CNIH3: variants seen among roughly 807,000 people sequenced by gnomAD.
The protein encoded by CNIH3 is protein cornichon homolog 3.
A neutral mutation model predicts 24.1 loss-of-function variants in CNIH3; 14 were observed. The ratio of observed to expected loss-of-function variants is 0.58; its 90% confidence interval spans 0.38 to 0.91. The LOEUF is 0.91. CNIH3 is among the 40% of genes least tolerant of loss of function. The pLI is 0.00. For missense variants in CNIH3, 178 were observed against 196.8 expected (o/e 0.90, Z 0.57); for synonymous variants, 68 against 73.8 (o/e 0.92, Z 0.40).
At position 224,701,080 on chromosome 1, in the gene CNIH3, C is replaced by T. The variant is rs1687459918; in HGVS notation, c.198+16237C>T. Among the ~76,000 whole-genome samples the T allele has an allele frequency of 2.6e-5, 4 of 152,070 alleles. No homozygotes were observed. The South Asian group carries it at 8.3e-4, about 32-fold the overall frequency. On this transcript the variant is annotated intron_variant, in intron 3 of 5. Transcript: ENST00000272133. The stretch of plus-strand genomic sequence containing the variant: ...GGGGCTGAAGGAAGTGATGAAGGGC[C>T]CTGACCACCCATGGTGCTATGCTGG...
At chr1:224,657,167 T>C (rs997332843) in intron 1 of CNIH3, among the ~76,000 whole-genome samples, 2 of 152,126 alleles carry the variant, frequency 1.3e-5, no homozygotes, top group African/African-American at 4.8e-5. Context: ...ATCCTGTCCT[T>C]CAGTAGGATA....
chr1:224,707,183 C>G (rs939831842), intron 3 of CNIH3, among the ~76,000 whole-genome samples: 1 of 151,994 alleles, frequency 6.6e-6, no homozygotes, highest in Non-Finnish European at 1.5e-5. Context: ...AGGCTGATCT[C>G]GAACTCCTGA....
intron 3 of CNIH3, chr1:224,719,165 G>A (rs1688585668): frequency 6.6e-6 from 1 of 152,260 alleles, no homozygotes; most frequent in African/African-American, 2.4e-5. Flanking sequence ...CGGCCCCTGT[G>A]CTGATGGAAC....
intron 2 of CNIH3, among the ~76,000 whole-genome samples, chr1:224,681,598 G>A (rs1686408407): frequency 6.6e-6 from 1 of 152,178 alleles, no homozygotes; most frequent in East Asian, 1.9e-4. Flanking sequence ...CCCAGCATGC[G>A]TGGTGCCTGG....
intron 1 of CNIH3, among the ~76,000 whole-genome samples, chr1:224,502,596 C>T (rs1461195926): frequency 1.3e-5 from 2 of 152,186 alleles, no homozygotes; most frequent in East Asian, 1.9e-4. Context: ...ATTGCCATTC[C>T]ACCTCTAGAG....
chr1:224,712,526 C>CAATG (rs960644450), intron 3 of CNIH3, among the ~76,000 whole-genome samples: 25 of 152,040 alleles, frequency 1.6e-4, no homozygotes, highest in African/African-American at 4.6e-4. Context: ...AGTATTTATT[C>CAATG]AATGAATGAA....
chr1:224,738,056 A>G (rs932867252), intron 5 of CNIH3, among the ~76,000 whole-genome samples: 8 of 152,208 alleles, frequency 5.3e-5, no homozygotes, highest in African/African-American at 1.7e-4. Context: ...TATGTTATTT[A>G]TGATTTACTT....
At chr1:224,463,143 G>A (rs549254801) in intron 1 of CNIH3, among the ~76,000 whole-genome samples, 7 of 152,082 alleles carry the variant, frequency 4.6e-5, no homozygotes, top group East Asian at 1.9e-4. Flanking sequence ...TGATCCACCC[G>A]CCTCGGCCTC....
chr1:224,720,024 G>C (rs963998244), intron 3 of CNIH3, among the ~76,000 whole-genome samples: 1 of 152,148 alleles, frequency 6.6e-6, no homozygotes, highest in African/African-American at 2.4e-5. Context: ...CTTGCAGTTA[G>C]GGCTCTGGGT....
intron 1 of CNIH3, among the ~76,000 whole-genome samples, chr1:224,672,061 C>G (rs560381157): frequency 2.2e-4 from 33 of 152,304 alleles, no homozygotes; most frequent in African/African-American, 7.9e-4. Context: ...TCCAGTGGAG[C>G]TCTTTGTGCT....
intron 4 of CNIH3, among the ~76,000 whole-genome samples, chr1:224,732,237 C>T (rs754769603): frequency 2.0e-5 from 3 of 152,052 alleles, no homozygotes; most frequent in Non-Finnish European, 4.4e-5. Context: ...ACTGGATAAG[C>T]CTTGGCCCAT....
chr1:224,490,011 A>C (rs1677181940), intron 1 of CNIH3, among the ~76,000 whole-genome samples: 1 of 152,226 alleles, frequency 6.6e-6, no homozygotes. Flanking sequence ...TCATAGCAAT[A>C]GGTATGTAGG....
chr1:224,665,921 G>C (rs1228044170), intron 1 of CNIH3, among the ~76,000 whole-genome samples: 1 of 152,056 alleles, frequency 6.6e-6, no homozygotes, highest in African/African-American at 2.4e-5. Flanking sequence ...CAATCCCCAA[G>C]TCACATTTAA....
intron 3 of CNIH3, among the ~76,000 whole-genome samples, chr1:224,601,264 C>T (rs1298918857): frequency 6.6e-6 from 1 of 152,136 alleles, no homozygotes; most frequent in Admixed American, 6.6e-5. Flanking sequence ...CAGTGGCCTG[C>T]CAGCACTTGG....
intron 1 of CNIH3, among the ~76,000 whole-genome samples, chr1:224,652,115 G>A (rs1289858988): frequency 6.6e-6 from 1 of 152,060 alleles, no homozygotes; most frequent in African/African-American, 2.4e-5. Context: ...TGCAAAGCAG[G>A]AATATTGGCC....
intron 3 of CNIH3, among the ~76,000 whole-genome samples, chr1:224,685,497 T>C (rs912347551): frequency 2.0e-5 from 3 of 152,134 alleles, no homozygotes; most frequent in South Asian, 4.1e-4. Context: ...CCCAAAAAAG[T>C]GTGTGCTTTT....
At chr1:224,554,355 T>G (rs1680048114) in intron 3 of CNIH3, among the ~76,000 whole-genome samples, 1 of 152,138 alleles carries the variant, frequency 6.6e-6, no homozygotes, top group Non-Finnish European at 1.5e-5. Flanking sequence ...TAACGTTTAT[T>G]CAACATTTAC....
rs1224831244 is a variant in CNIH3 at position 224,458,090 on chromosome 1, T to A, written n.203+23228T>A. On this transcript the variant is annotated intron_variant and non_coding_transcript_variant, in intron 1 of 5. Coordinates refer to the CNIH3 transcript ENST00000471578. The surrounding 1 kb of genome is among the most constrained non-coding windows in gnomAD (Gnocchi z 4.3). ...GCAGGATATTCCCTTCCAGGGCTCC[T>A]ACCCTCTCCTGATTTTGCATCCAGG... 6.6e-6 allele frequency among the ~76,000 whole-genome samples: 1 copy of A among 152,228 alleles called. No homozygotes were observed. Among genetic ancestry groups the A allele is most frequent in the African/African-American group, 2.4e-5 (1 of 41,466 alleles).
At chr1:224,733,938 G>C (rs181497018) in intron 4 of CNIH3, among the ~76,000 whole-genome samples, 1 of 152,272 alleles carries the variant, frequency 6.6e-6, no homozygotes, top group Non-Finnish European at 1.5e-5. Context: ...CCTTGGGAAC[G>C]TAGTATTTTG....
Sources: allele counts gnomAD v4.1 joint callset (sites outside exome capture counted in the v4.1 genomes callset), GRCh38; gene constraint gnomAD v4.1.1; non-coding constraint Gnocchi (gnomAD v3.1); transcripts MANE v1.5; gene names NCBI Gene and HGNC (gene_info 2026-07-23, HGNC 2026-07-21).